CLASP1: variants seen among roughly 807,000 people sequenced by gnomAD.
CLASP1 encodes CLIP-associating protein 1.
A neutral mutation model predicts 192.3 loss-of-function variants in CLASP1; 38 were observed. The ratio of observed to expected loss-of-function variants is 0.20; its 90% CI spans 0.15 to 0.26. The LOEUF is 0.26. Among genes scored for constraint, CLASP1 ranks in the 10% least tolerant of loss-of-function variants. CLASP1 has a pLI of 1.00. For synonymous variants in CLASP1, 691 were observed against 712.8 expected (o/e 0.97, Z 0.49); for missense variants, 1,433 against 1,932.5 (o/e 0.74, Z 4.85).
intron 2 of CLASP1, among the ~76,000 whole-genome samples, chr2:121,531,812 G>A (rs546335634): frequency 1.3e-4 from 19 of 151,768 alleles, no homozygotes; most frequent in African/African-American, 4.4e-4. Flanking sequence ...AGGTTGCAAT[G>A]AGCCAACATC....
intron 9 of CLASP1, among the ~76,000 whole-genome samples, chr2:121,464,180 C>A (rs892983657): frequency 1.8e-4 from 27 of 151,702 alleles, no homozygotes; most frequent in East Asian, 3.9e-4. Context: ...TGAACTCATC[C>A]TTTTTTATGG....
chr2:121,557,861 T>A (rs1458425916), intron 2 of CLASP1, among the ~76,000 whole-genome samples: 2 of 151,718 alleles, frequency 1.3e-5, no homozygotes, highest in East Asian at 3.9e-4. Context: ...GGTGGGTGGA[T>A]CACAAAGTCA....
chr2:121,368,447 A>T (rs61126278), intron 34 of CLASP1, among the ~76,000 whole-genome samples: 2,303 of 147,748 alleles, frequency 0.016, 53 homozygotes, highest in African/African-American at 0.052. Context: ...TATTTCCCAA[A>T]TTTTTTTTTT....
At chr2:121,492,160 C>T (rs1362875342) in intron 8 of CLASP1, among the ~76,000 whole-genome samples, 1 of 151,936 alleles carries the variant, frequency 6.6e-6, no homozygotes, top group South Asian at 2.1e-4. Context: ...GAGGCCGAGG[C>T]GGGTAGATCA....
At chr2:121,546,611 G>T (rs1012624067) in intron 2 of CLASP1, among the ~76,000 whole-genome samples, 2 of 151,940 alleles carry the variant, frequency 1.3e-5, no homozygotes, top group Non-Finnish European at 2.9e-5. Flanking sequence ...CAACCCTCGG[G>T]TCAGGAGACT....
chr2:121,479,044 CACA>C lies in CLASP1; in HGVS notation c.713-9087_713-9085del, dbSNP rs1559371097. Among the ~76,000 whole-genome samples the C allele has an allele frequency of 6.1e-4, 53 of 87,178 alleles. 3 individuals are homozygous for C. The highest frequency in any genetic ancestry group is 2.2e-3 in the East Asian group (6 of 2,730). 57.2% of individuals were successfully genotyped at this position (87,178 alleles called of 152,430 possible). On this transcript the variant is annotated intron_variant, in intron 8 of 39. Coordinates refer to ENST00000263710, the Ensembl canonical transcript of CLASP1. ...CACACACACACACCCCACACACACACACACCCCCCCCCCACACACACACACACA... is the reference window on the plus strand; with the variant it reads ...CACACACACACACCCCACACACACACCCCCCCCCCCACACACACACACACA...
chr2:121,522,389 T>C (rs995590492), intron 6 of CLASP1, among the ~76,000 whole-genome samples: 3 of 152,130 alleles, frequency 2.0e-5, no homozygotes, highest in Non-Finnish European at 2.9e-5. Flanking sequence ...AAAACCATTA[T>C]AGGCTCCAAA....
intron 37 of CLASP1, among the ~76,000 whole-genome samples, chr2:121,350,948 A>C (rs1297587012): frequency 6.6e-6 from 1 of 152,234 alleles, no homozygotes; most frequent in African/African-American, 2.4e-5. Context: ...TTACCATTAC[A>C]ATATAACCTT....
At chr2:121,427,758 T>C (rs375135727) in intron 20 of CLASP1, among the ~76,000 whole-genome samples, 3 of 152,314 alleles carry the variant, frequency 2.0e-5, no homozygotes, top group Non-Finnish European at 2.9e-5. Flanking sequence ...TCAAAAGTGC[T>C]TACCACATAG....
chr2:121,494,284 C>T (rs1397776482), intron 8 of CLASP1, among the ~76,000 whole-genome samples: 2 of 152,166 alleles, frequency 1.3e-5, no homozygotes, highest in African/African-American at 4.8e-5. Context: ...AGAATGAGAT[C>T]CTGTCATTTG....
chr2:121,461,431 T>A (rs988387891), intron 10 of CLASP1, among the ~76,000 whole-genome samples: 1 of 152,232 alleles, frequency 6.6e-6, no homozygotes, highest in Admixed American at 6.5e-5. Context: ...AGCTTTACTA[T>A]AAACTTAACA....
At chr2:121,646,750 A>C (rs2073233352) in intron 1 of CLASP1, among the ~76,000 whole-genome samples, 1 of 152,162 alleles carries the variant, frequency 6.6e-6, no homozygotes, top group Non-Finnish European at 1.5e-5. Flanking sequence ...AAAAAATCTA[A>C]ATCTAGGCCA....
At chr2:121,450,851 C>A in intron 16 of CLASP1, 62 bp downstream of exon 16, 1 of 1,212,114 alleles carries the variant, frequency 8.3e-7, no homozygotes, top group Non-Finnish European at 1.2e-6. Context: ...TAAGGCAATC[C>A]TATAATTCAT....
intron 2 of CLASP1, among the ~76,000 whole-genome samples, chr2:121,553,186 A>G (rs1184507984): frequency 6.6e-6 from 1 of 152,120 alleles, no homozygotes; most frequent in Admixed American, 6.5e-5. Flanking sequence ...ACTGAGGCCT[A>G]CTTGAGGGTG....
At chr2:121,639,440 G>C (rs146780622) in intron 1 of CLASP1, among the ~76,000 whole-genome samples, 1 of 152,218 alleles carries the variant, frequency 6.6e-6, no homozygotes, top group Non-Finnish European at 1.5e-5. Context: ...GGAGACAGAG[G>C]AATGGGGAGT....
At chr2:121,358,606 T>C (rs1244198448) in intron 37 of CLASP1, among the ~76,000 whole-genome samples, 1 of 152,258 alleles carries the variant, frequency 6.6e-6, no homozygotes, top group Middle Eastern at 3.2e-3. Context: ...GATACCATGC[T>C]GGCTGGGCGA....
intron 29 of CLASP1, 32 bp from the exon 31 acceptor site, chr2:121,397,315 AC>A: frequency 1.3e-6 from 2 of 1,581,264 alleles, no homozygotes; most frequent in Non-Finnish European, 1.7e-6. Flanking sequence ...AACATTAAGT[AC>A]ACTTGATGAA....
At chr2:121,418,881 T>A (rs2079034647) in intron 22 of CLASP1, among the ~76,000 whole-genome samples, 152 bp from the exon 23 acceptor site, 1 of 152,130 alleles carries the variant, frequency 6.6e-6, no homozygotes, top group Non-Finnish European at 1.5e-5. Flanking sequence ...CATGCTGAGG[T>A]CTCACTGACT....
chr2:121,467,446 T>C (rs1056469249), intron 9 of CLASP1, among the ~76,000 whole-genome samples: 2 of 152,202 alleles, frequency 1.3e-5, no homozygotes, highest in Admixed American at 1.3e-4. Flanking sequence ...AGCACTCCTT[T>C]TTCTCCACAA....
Sources: gnomAD v4.1 joint callset for allele counts (sites outside exome capture counted in the v4.1 genomes callset) on GRCh38, gnomAD v4.1.1 for gene constraint, MANE v1.5 for transcripts, NCBI Gene and HGNC (gene_info 2026-07-23, HGNC 2026-07-21) for gene names.